COMMD10: variants seen among roughly 807,000 people sequenced by gnomAD.
COMMD10 encodes the protein COMM domain containing 10.
Under a neutral mutation model 28.9 loss-of-function variants are expected in COMMD10, and 33 were observed. The observed-to-expected ratio is 1.14, with a 90% CI of 0.87 to 1.53. The LOEUF is 1.53. COMMD10 is among the 40% of genes most tolerant of loss of function. The pLI is 0.00. For missense variants in COMMD10, 310 were observed against 233.4 expected, an observed-to-expected ratio of 1.33 and a Z score of -2.14; for synonymous variants, 110 against 81.7, an observed-to-expected ratio of 1.35 and a Z score of -1.87.
At chr5:116,226,318 C>T (rs931901323) in intron 5 of COMMD10, among the ~76,000 whole-genome samples, 8 of 151,784 alleles carry the variant, frequency 5.3e-5, no homozygotes, top group Non-Finnish European at 1.0e-4. Flanking sequence ...AAAACAAGGG[C>T]TTCTAAACAT....
At chr5:116,235,713 T>C (rs1749642854) in intron 5 of COMMD10, among the ~76,000 whole-genome samples, 1 of 152,202 alleles carries the variant, frequency 6.6e-6, no homozygotes, top group Non-Finnish European at 1.5e-5. Context: ...TGATGAGAAA[T>C]AGAATTCCAA....
intron 4 of COMMD10, among the ~76,000 whole-genome samples, chr5:116,102,700 G>T (rs996487740): frequency 6.6e-6 from 1 of 152,030 alleles, no homozygotes; most frequent in Non-Finnish European, 1.5e-5. Context: ...AAGTTCTGGG[G>T]TACATGTGCA....
chr5:116,180,702 A>G (rs1260469694), intron 5 of COMMD10, among the ~76,000 whole-genome samples: 2 of 151,772 alleles, frequency 1.3e-5, no homozygotes, highest in Non-Finnish European at 2.9e-5. Context: ...CTAACTAAAA[A>G]AATATATTCT....
At chr5:116,093,810 G>T (rs1177120132) in intron 4 of COMMD10, among the ~76,000 whole-genome samples, 1 of 152,168 alleles carries the variant, frequency 6.6e-6, no homozygotes, top group Non-Finnish European at 1.5e-5. Context: ...ACAGCATGGT[G>T]TTGGTAGAAA....
At chr5:116,171,271 C>T (rs1428160291) in intron 5 of COMMD10, among the ~76,000 whole-genome samples, 1 of 152,176 alleles carries the variant, frequency 6.6e-6, no homozygotes, top group Non-Finnish European at 1.5e-5. Flanking sequence ...ATCAACATCA[C>T]AATGAGATAC....
intron 4 of COMMD10, among the ~76,000 whole-genome samples, chr5:116,132,299 G>A (rs558697086): frequency 1.2e-4 from 18 of 152,248 alleles, no homozygotes; most frequent in Admixed American, 7.8e-4. Flanking sequence ...ACCCAGAAAA[G>A]TAGGTAGTTC....
intron 4 of COMMD10, among the ~76,000 whole-genome samples, chr5:116,121,886 G>A (rs1242552887): frequency 4.6e-5 from 7 of 152,068 alleles, no homozygotes; most frequent in Non-Finnish European, 7.4e-5. Flanking sequence ...ATGCTAGCCC[G>A]TTTTCAGATG....
intron 5 of COMMD10, among the ~76,000 whole-genome samples, chr5:116,239,254 T>C (rs534374651): frequency 1.3e-5 from 2 of 152,314 alleles, no homozygotes; most frequent in Non-Finnish European, 2.9e-5. Flanking sequence ...TTTGTTGGCA[T>C]TAGTAACAAA....
In COMMD10 at chr5:116,282,586, C is replaced by T. The variant is rs114339234; in HGVS notation, c.511-8931C>T. On this transcript the variant is annotated intron_variant, in intron 5 of 6. Coordinates refer to ENST00000274458, the MANE Select transcript of COMMD10 (RefSeq NM_016144.4). ...GGCGACCATAACAAAGTAACACAAA[C>T]GAGGTAGCTTAAACAACAGAAAATT... 4.6e-3 allele frequency among the ~76,000 whole-genome samples: 695 copies of T among 151,916 alleles called. 20 individuals carry two copies. The highest frequency in any genetic ancestry group is 0.016 in the African/African-American group (650 of 41,246).
chr5:116,087,659 A>G lies in COMMD10; in HGVS notation c.132+72A>G, dbSNP rs1750151804. On this transcript the variant is annotated intron_variant, in intron 2 of 6. Transcript: ENST00000274458. The stretch of plus-strand genomic sequence containing the variant: ...AATTGAAAGTCTGATTATTTGGAGA[A>G]CTTTTTGCAAAGCATAGTGTTCTCC... 11 of 1,069,292 alleles carry G rather than the reference A, an allele frequency of 1.0e-5. No homozygotes were observed. In the South Asian group the frequency reaches 1.4e-4, roughly 14 times the overall value. The allele number at this position is 1,069,292 out of a possible 1,614,324, so 66.2% of individuals were successfully genotyped here.
At chr5:116,110,589 G>C (rs1177720531) in intron 4 of COMMD10, among the ~76,000 whole-genome samples, 3 of 152,096 alleles carry the variant, frequency 2.0e-5, no homozygotes, top group Non-Finnish European at 4.4e-5. Context: ...TCAATCTTGG[G>C]AGGTTGTGTA....
intron 5 of COMMD10, among the ~76,000 whole-genome samples, chr5:116,207,725 C>T (rs891132908): frequency 6.6e-6 from 1 of 152,068 alleles, no homozygotes; most frequent in African/African-American, 2.4e-5. Flanking sequence ...GAGGTTTCAC[C>T]ACGTTGGCCA....
chr5:116,197,606 A>T (rs938021402), intron 5 of COMMD10, among the ~76,000 whole-genome samples: 2 of 152,062 alleles, frequency 1.3e-5, no homozygotes, highest in Non-Finnish European at 2.9e-5. Flanking sequence ...GCTGGTCTCA[A>T]ACTGAGCACA....
chr5:116,193,738 C>A (rs1748433512), intron 5 of COMMD10, among the ~76,000 whole-genome samples: 1 of 151,854 alleles, frequency 6.6e-6, no homozygotes, highest in African/African-American at 2.4e-5. Context: ...CTTCAGTACT[C>A]CACTGACGGT....
chr5:116,175,739 G>A (rs1561649224), intron 5 of COMMD10, among the ~76,000 whole-genome samples: 1 of 152,144 alleles, frequency 6.6e-6, no homozygotes, highest in Non-Finnish European at 1.5e-5. Flanking sequence ...GATGAAACTT[G>A]AAGACATTCA....
At chr5:116,241,644 G>T (rs948098874) in intron 5 of COMMD10, among the ~76,000 whole-genome samples, 1 of 144,578 alleles carries the variant, frequency 6.9e-6, no homozygotes, top group South Asian at 2.2e-4. Context: ...ATGGAGTCTC[G>T]CTCTGTCGCC....
chr5:116,241,215 C>T (rs1306955238), intron 5 of COMMD10, among the ~76,000 whole-genome samples: 4 of 152,100 alleles, frequency 2.6e-5, no homozygotes, highest in Admixed American at 6.6e-5. Flanking sequence ...GTCATTGCTT[C>T]CTTATAATAT....
At chr5:116,193,584 T>C (rs1748429895) in intron 5 of COMMD10, among the ~76,000 whole-genome samples, 1 of 152,148 alleles carries the variant, frequency 6.6e-6, no homozygotes, top group South Asian at 2.1e-4. Context: ...AGAGGGACAT[T>C]ATGTAATGGT....
At chr5:116,265,587 G>A (rs1320715257) in intron 5 of COMMD10, among the ~76,000 whole-genome samples, 1 of 151,584 alleles carries the variant, frequency 6.6e-6, no homozygotes, top group African/African-American at 2.4e-5. Flanking sequence ...AAAAATTCAA[G>A]TTAACAAGCA....
Sources: allele counts gnomAD v4.1 joint callset (sites outside exome capture counted in the v4.1 genomes callset), GRCh38; gene constraint gnomAD v4.1.1; transcripts MANE v1.5; gene names NCBI Gene and HGNC (gene_info 2026-07-23, HGNC 2026-07-21).